Variants in MAP4K3 observed in about 807,000 individuals in gnomAD.
MAP4K3 encodes the protein mitogen-activated protein kinase kinase kinase kinase 3.
A neutral mutation model predicts 143.5 loss-of-function variants in MAP4K3; 94 were observed. The observed-to-expected ratio is 0.65, with a 90% CI of 0.55 to 0.78. The LOEUF is 0.78. MAP4K3 is among the 30% of genes least tolerant of loss of function. MAP4K3 has a pLI of 0.00. For synonymous variants in MAP4K3, 416 were observed against 347.2 expected, an observed-to-expected ratio of 1.20 and a Z score of -2.20; for missense variants, 1,077 against 1,068.1, an observed-to-expected ratio of 1.01 and a Z score of -0.12.
chr2:39,377,983 G>A (rs1024322146), intron 2 of MAP4K3, 83 bp downstream of exon 2: 3 of 842,976 alleles, frequency 3.6e-6, no homozygotes, highest in Admixed American at 2.4e-5. Context: ...ACAAGAGAAT[G>A]TTAACCAAAC....
Position 39,418,614 on chromosome 2 carries a change from G to A in MAP4K3, c.96+18278C>T, listed in dbSNP as rs554928325. On this transcript the variant is annotated intron_variant, in intron 1 of 33. Coordinates refer to ENST00000263881, the MANE Select transcript of MAP4K3 (RefSeq NM_003618.4). ...CCAGGTGATCAAAGTTAACATTGCC[G>A]GTGATCAAAGTTAACACTGCCGGTG... Among the ~76,000 whole-genome samples the A allele has an allele frequency of 5.3e-5, 8 of 152,110 alleles. No homozygotes were observed. The South Asian group carries it at 8.3e-4, about 16-fold the overall frequency.
intron 2 of MAP4K3, 136 bp from the exon 3 acceptor site, chr2:39,356,475 T>G (rs1665614381): frequency 1.7e-6 from 1 of 588,480 alleles, no homozygotes; most frequent in Admixed American, 3.5e-5. Flanking sequence ...ACATAGCCAA[T>G]AAGTTAATGG....
intron 1 of MAP4K3, among the ~76,000 whole-genome samples, chr2:39,396,677 G>C (rs1026003163): frequency 6.6e-6 from 1 of 152,064 alleles, no homozygotes; most frequent in Non-Finnish European, 1.5e-5. Flanking sequence ...GTTTCACCCT[G>C]TTAATCAGGA....
chr2:39,300,777 T>A (rs1682473043), intron 15 of MAP4K3, among the ~76,000 whole-genome samples: 1 of 152,248 alleles, frequency 6.6e-6, no homozygotes, highest in Admixed American at 6.5e-5. Context: ...CAGCTTTCTC[T>A]AAGTTTCCAT....
Position 39,436,668 on chromosome 2 carries a change from A to T in MAP4K3, c.96+224T>A, listed in dbSNP as rs1267049961. The T allele has an allele frequency of 1.4e-4, 79 of 557,186 alleles. No individual in the cohort carries two copies. The East Asian group carries it at 2.0e-3, about 14-fold the overall frequency. 34.5% of individuals were successfully genotyped at this position (557,186 alleles called of 1,614,324 possible). On this transcript the variant is annotated intron_variant, in intron 1 of 33. Transcript: ENST00000263881. ...CGCAAGAAGGGAGGTGGCAAAAATC[A>T]TGTCCACCGGGGGGGCTCAGGTAAG... is the stretch of plus-strand genomic sequence containing the variant.
At chr2:39,263,940 C>T (rs770595634) in intron 28 of MAP4K3, among the ~76,000 whole-genome samples, 30 of 152,062 alleles carry the variant, frequency 2.0e-4, no homozygotes, top group Non-Finnish European at 4.3e-4. Flanking sequence ...AAATGGTTTA[C>T]CATATTAGAT....
intron 2 of MAP4K3, among the ~76,000 whole-genome samples, chr2:39,374,300 G>A (rs777827198): frequency 3.3e-5 from 5 of 152,066 alleles, no homozygotes; most frequent in Non-Finnish European, 5.9e-5. Flanking sequence ...ACCCGGAGGC[G>A]GAGGTTGCAG....
intron 12 of MAP4K3, among the ~76,000 whole-genome samples, chr2:39,316,560 A>G (rs1683118501): frequency 6.6e-6 from 1 of 152,158 alleles, no homozygotes; most frequent in Non-Finnish European, 1.5e-5. Flanking sequence ...TCTTTTGAAA[A>G]TGAAATATTT....
At chr2:39,384,584 T>C (rs987386471) in intron 1 of MAP4K3, among the ~76,000 whole-genome samples, 8 of 152,130 alleles carry the variant, frequency 5.3e-5, no homozygotes, top group South Asian at 4.1e-4. Context: ...AAACCCAGCA[T>C]TGTCCAAAAG....
intron 15 of MAP4K3, among the ~76,000 whole-genome samples, chr2:39,300,164 A>C (rs911448435): frequency 7.9e-5 from 12 of 152,282 alleles, no homozygotes; most frequent in African/African-American, 2.9e-4. Context: ...ATGTGACAAA[A>C]ATCTTGGTTT....
At chr2:39,273,456 T>A (rs1034285767) in intron 24 of MAP4K3, among the ~76,000 whole-genome samples, 2 of 152,186 alleles carry the variant, frequency 1.3e-5, no homozygotes, top group African/African-American at 4.8e-5. Flanking sequence ...ACAACCTTTG[T>A]TGCTGGGTTT....
rs550639680 is a variant in MAP4K3, at chr2:39,395,647, C to CGTAA, written c.97-17525_97-17524insTTAC. ...CTCCTGTTATCCTATTTATCCATTA[C>CGTAA]CATTTACTGTGACATAACAAAACTT... On this transcript the variant is annotated intron_variant, in intron 1 of 33. Coordinates refer to ENST00000263881, the MANE Select transcript of MAP4K3 (RefSeq NM_003618.4). Among the ~76,000 whole-genome samples, 382 of 152,268 alleles carry CGTAA rather than the reference C, an allele frequency of 2.5e-3. 1 individual carries two copies. Among genetic ancestry groups the CGTAA allele is most frequent in the Non-Finnish European group, 4.5e-3 (307 of 68,018 alleles).
chr2:39,343,798 A>C (rs1665208475), intron 3 of MAP4K3, among the ~76,000 whole-genome samples: 1 of 152,158 alleles, frequency 6.6e-6, no homozygotes, highest in Admixed American at 6.5e-5. Context: ...TAAATCTCAA[A>C]GTATACTACT....
intron 13 of MAP4K3, among the ~76,000 whole-genome samples, chr2:39,313,310 C>A (rs1464063552): frequency 6.6e-6 from 1 of 152,064 alleles, no homozygotes; most frequent in Non-Finnish European, 1.5e-5. Flanking sequence ...CAGATTATTT[C>A]GTCACCCAGG....
At chr2:39,313,789 T>C (rs967377850) in intron 13 of MAP4K3, among the ~76,000 whole-genome samples, 2 of 150,892 alleles carry the variant, frequency 1.3e-5, no homozygotes, top group African/African-American at 4.9e-5. Flanking sequence ...ACTGGGATTA[T>C]AGGTGTGAGT....
At chr2:39,277,151 G>T (rs1681295989) in intron 24 of MAP4K3, among the ~76,000 whole-genome samples, 1 of 152,146 alleles carries the variant, frequency 6.6e-6, no homozygotes, top group Non-Finnish European at 1.5e-5. Flanking sequence ...TAAAACACAG[G>T]TCTGTTCCAT....
rs189830380 is a variant in MAP4K3, at chr2:39,263,099, A to C, written c.2136+2104T>G. On this transcript the variant is annotated intron_variant, in intron 28 of 33. Coordinates refer to ENST00000263881, the MANE Select transcript of MAP4K3 (RefSeq NM_003618.4). ...AGAACCAGACTCCATCTCAAAAAAA[A>C]ATAAAAGCAGTCTAATGATGCAAAA... Among the ~76,000 whole-genome samples the C allele has an allele frequency of 7.9e-3, 1,206 of 152,220 alleles. 7 individuals are homozygous for C. The highest frequency in any genetic ancestry group is 0.013 in the Non-Finnish European group (910 of 68,008).
chr2:39,379,950 A>G (rs1182020841), intron 1 of MAP4K3: 1 of 155,136 alleles, frequency 6.4e-6, no homozygotes, highest in African/African-American at 2.4e-5. Flanking sequence ...ATTTACTAAC[A>G]CCAGCATATA....
At position 39,340,752 on chromosome 2, in the gene MAP4K3, A is replaced by C. The variant is rs74372277; in HGVS notation, c.310+2636T>G. Among the ~76,000 whole-genome samples, 21 of 152,356 alleles carry C rather than the reference A, an allele frequency of 1.4e-4. 1 individual carries two copies. The East Asian group carries it at 3.9e-3, about 28-fold the overall frequency. On this transcript the variant is annotated intron_variant, in intron 4 of 33. Coordinates refer to ENST00000263881, the MANE Select transcript of MAP4K3 (RefSeq NM_003618.4). ...TGTAAGAATAAGACACAAAGGAAAAAATAATGGAGGGAGATATAAAATAGA... is the reference window on the plus strand; with the variant it reads ...TGTAAGAATAAGACACAAAGGAAAACATAATGGAGGGAGATATAAAATAGA...
Sources: gnomAD v4.1 joint callset for allele counts (sites outside exome capture counted in the v4.1 genomes callset) on GRCh38, gnomAD v4.1.1 for gene constraint, MANE v1.5 for transcripts, NCBI Gene and HGNC (gene_info 2026-07-23, HGNC 2026-07-21) for gene names.